The following POLRMT variants were observed in gnomAD, a reference collection of about 807,000 sequenced individuals.
POLRMT encodes the protein DNA-directed RNA polymerase, mitochondrial.
In POLRMT, 114 loss-of-function variants were observed where a neutral mutation model predicts 132.2. That is an observed-to-expected ratio of 0.86 (90% CI 0.74 to 1.01). The LOEUF is 1.01. Among genes scored for constraint, POLRMT ranks in the 50% least tolerant of loss-of-function variants. The pLI, the probability that POLRMT is intolerant of heterozygous loss-of-function variation, is 0.00. For missense variants in POLRMT, 2,003 were observed against 1,729.1 expected, an observed-to-expected ratio of 1.16 and a Z score of -2.81; for synonymous variants, 1,020 against 773.4, an observed-to-expected ratio of 1.32 and a Z score of -5.29.
In POLRMT at chr19:630,187, G is replaced by C; in HGVS notation, c.194-19C>G. The C allele has an allele frequency of 1.3e-6, 2 of 1,553,052 alleles. No individual in the cohort carries two copies. Among genetic ancestry groups the C allele is most frequent in the East Asian group, 2.3e-5 (1 of 44,296 alleles). On this transcript the variant is annotated intron_variant, in intron 2 of 20. Coordinates refer to ENST00000588649, the MANE Select transcript of POLRMT (RefSeq NM_005035.4). ...TGGAGCACTGTGAGGGGCAGAAGGCGAGGACATGAGAGGGACCCCCTCCCC... is the reference window on the plus strand; with the variant it reads ...TGGAGCACTGTGAGGGGCAGAAGGCCAGGACATGAGAGGGACCCCCTCCCC...
At chr19:618,973 G>T in intron 15 of POLRMT, 24 bp downstream of exon 15, 1 of 1,524,970 alleles carries the variant, frequency 6.6e-7, no homozygotes, top group African/African-American at 1.4e-5. Context: ...GGCACACTGG[G>T]GAGGGATGGG....
intron 6 of POLRMT, 70 bp downstream of exon 6, chr19:623,384 G>C: frequency 1.3e-6 from 2 of 1,577,348 alleles, no homozygotes; most frequent in Non-Finnish European, 1.7e-6. Context: ...CCCCGGCTCA[G>C]CCCGTGCGGT....
At position 626,696 on chromosome 19, in the gene POLRMT, C is replaced by CAAAAAAAAA. The variant is rs59746130; in HGVS notation, c.823-1451_823-1443dup. ...GCCTGTGCTCCCTCCACTAAAAATA[C>CAAAAAAAAA]AAAAAAAAAAAAAAATTAGCTGGGC... is the stretch of plus-strand genomic sequence containing the variant. On this transcript the variant is annotated intron_variant, in intron 3 of 20. Transcript: ENST00000588649. 1.8e-3 allele frequency among the ~76,000 whole-genome samples: 188 copies of CAAAAAAAAA among 105,004 alleles called. 8 individuals carry two copies. The highest frequency in any genetic ancestry group is 7.7e-3 in the African/African-American group (177 of 23,120). 68.9% of individuals were successfully genotyped at this position (105,004 alleles called of 152,430 possible). A position where few individuals can be genotyped will look rare whatever the true frequency, so the allele number is the denominator to read the frequency against.
Position 629,522 on chromosome 19 carries a change from G to A in POLRMT, c.822+18C>T, listed in dbSNP as rs768044368. The A allele has an allele frequency of 6.7e-7, 1 of 1,495,098 alleles. No homozygotes were observed. The highest frequency in any genetic ancestry group is 1.4e-5 in the South Asian group (1 of 72,186). 92.6% of individuals were successfully genotyped at this position (1,495,098 alleles called of 1,614,324 possible). On this transcript the variant is annotated intron_variant, in intron 3 of 20. Coordinates refer to ENST00000588649, the MANE Select transcript of POLRMT (RefSeq NM_005035.4). ...TCCAACGACCAGGGCAGGTGGCCCGGCTCCCGGCTGCACTCACCTGCCGCG... is the reference window on the plus strand; with the variant it reads ...TCCAACGACCAGGGCAGGTGGCCCGACTCCCGGCTGCACTCACCTGCCGCG...
chr19:630,133 T>G lies in POLRMT; in HGVS notation c.229A>C (p.Ser77Arg). Residue 77 changes from serine to arginine, a missense_variant, in exon 3 of 21, where the codon AGC becomes CGC. Coordinates refer to ENST00000588649, the MANE Select transcript of POLRMT (RefSeq NM_005035.4). ...QARVRQLQAE[S>R]VSEVVVNRVD... ...CTGTTCACCACCACCTCCGACACGCTCTCAGCCTGCAGCTGCCGCACCCGC... is the reference window on the plus strand; with the variant it reads ...CTGTTCACCACCACCTCCGACACGCGCTCAGCCTGCAGCTGCCGCACCCGC... 4 of 1,606,718 alleles carry G rather than the reference T, an allele frequency of 2.5e-6. No individual in the cohort carries two copies. The highest frequency in any genetic ancestry group is 3.4e-6 in the Non-Finnish European group (4 of 1,175,660).
intron 5 of POLRMT, among the ~76,000 whole-genome samples, chr19:624,069 T>G (rs187896976): frequency 6.6e-6 from 1 of 152,166 alleles, no homozygotes; most frequent in Non-Finnish European, 1.5e-5. Context: ...AGTCGATAAG[T>G]AGAAACAGCC....
intron 13 of POLRMT, 70 bp from the exon 14 acceptor site, chr19:619,366 C>T (rs1226875047): frequency 3.9e-6 from 6 of 1,532,072 alleles, no homozygotes; most frequent in South Asian, 1.1e-5. Context: ...CCCCCTATTT[C>T]AGAGCCACTG....
intron 6 of POLRMT, 116 bp downstream of exon 6, chr19:623,338 C>A: frequency 2.0e-6 from 3 of 1,484,358 alleles, no homozygotes; most frequent in Non-Finnish European, 2.7e-6. Flanking sequence ...GCGGCGGACA[C>A]GCGACCCCGG....
rs766303672 is a variant in POLRMT at position 629,718 on chromosome 19, G to A, written c.644C>T (p.Ser215Leu). ...CTGCTGACCTGAGAGCTGGGCCTGC[G>A]AGTGCTGCCCCGACGGGGCCTGCTC... ...DVEQAPSGQH[S>L]QAQLSGQQQR... Residue 215 changes from serine to leucine, a missense_variant, in exon 3 of 21, where the codon TCG becomes TTG. By Grantham distance (145) the Ser-to-Leu change is moderately radical. Coordinates refer to ENST00000588649, the MANE Select transcript of POLRMT (RefSeq NM_005035.4). The A allele has an allele frequency of 5.6e-6, 9 of 1,593,234 alleles. No homozygotes were observed. The highest frequency in any genetic ancestry group is 2.2e-5 in the East Asian group (1 of 44,620).
chr19:618,564 TCTG>T lies in POLRMT; in HGVS notation c.3343_3345del (p.Gln1115del). Reference sequence around the variant, plus strand: ...ATGAAGTTGGGCGGGAAGCCGTTCTTCTGCTTACGTGTGTTGGGCTTTCTGAGG... The same window carrying T: ...ATGAAGTTGGGCGGGAAGCCGTTCTTCTTACGTGTGTTGGGCTTTCTGAGG... On this transcript the variant is annotated inframe_deletion, in exon 17 of 21. Transcript: ENST00000588649. The T allele has an allele frequency of 6.2e-7, 1 of 1,613,326 alleles. No individual in the cohort carries two copies. Among genetic ancestry groups the T allele is most frequent in the Non-Finnish European group, 8.5e-7 (1 of 1,179,484 alleles).
chr19:623,591 A>C lies in POLRMT; in HGVS notation c.1153T>G (p.Ser385Ala). ...RDVYAKDGRVSYPKLHLPLKT... is the reference protein window; with the variant it reads ...RDVYAKDGRVAYPKLHLPLKT... ...AAGGGCAGGTGCAGCTTCGGGTAGG[A>C]CACACGCCCATCCTGCAGGGATGGG... The change falls in exon 6 of 21, where the codon TCC becomes GCC. Residue 385 changes from serine (S) to alanine (A), a missense_variant. By Grantham distance (99) the Ser-to-Ala change is moderately conservative. Coordinates refer to ENST00000588649, the MANE Select transcript of POLRMT (RefSeq NM_005035.4). The C allele has an allele frequency of 6.2e-7, 1 of 1,613,554 alleles. No individual in the cohort carries two copies. Among genetic ancestry groups the C allele is most frequent in the Non-Finnish European group, 8.5e-7 (1 of 1,179,954 alleles).
chr19:622,406 C>T (rs1161135017), intron 8 of POLRMT, 33 bp from the exon 9 acceptor site: 6 of 1,516,706 alleles, frequency 4.0e-6, no homozygotes, highest in East Asian at 2.5e-5. Flanking sequence ...CGCTGGGCAC[C>T]GGGGCCCCTG....
In POLRMT at chr19:617,234, A is replaced by C; in HGVS notation, c.*40T>G. 6.2e-7 allele frequency: 1 copy of C among 1,609,592 alleles called. No individual in the cohort carries two copies. The highest frequency in any genetic ancestry group is 8.5e-7 in the Non-Finnish European group (1 of 1,177,956). On this transcript the variant is annotated 3_prime_UTR_variant, in exon 21 of 21. Coordinates refer to ENST00000588649, the MANE Select transcript of POLRMT (RefSeq NM_005035.4). The stretch of plus-strand genomic sequence containing the variant: ...GAAGACAGTGGCTCCTGGGGGTGGC[A>C]AAAGAGCTTTATTTACACACTGACA...
chr19:623,049 G>T, intron 6 of POLRMT, 64 bp from the exon 7 acceptor site: 1 of 1,561,622 alleles, frequency 6.4e-7, no homozygotes, highest in Non-Finnish European at 8.7e-7. Flanking sequence ...CTCACAGGAC[G>T]GGGGTCACCG....
intron 17 of POLRMT, chr19:618,135 G>A (rs1199878301): frequency 8.8e-6 from 5 of 566,208 alleles, no homozygotes; most frequent in Admixed American, 6.2e-5. Flanking sequence ...CCTCCTGCCA[G>A]GGCCACCACC....
intron 10 of POLRMT, among the ~76,000 whole-genome samples, 195 bp from the exon 11 acceptor site, chr19:620,682 G>C (rs945261746): frequency 1.3e-5 from 2 of 149,170 alleles, no homozygotes; most frequent in African/African-American, 5.0e-5. Context: ...TGGGAGCTGC[G>C]GGTGGACCGG....
At chr19:620,155 G>C in intron 11 of POLRMT, 75 bp from the exon 12 acceptor site, 1 of 1,517,428 alleles carries the variant, frequency 6.6e-7, no homozygotes, top group South Asian at 1.2e-5. Flanking sequence ...CACCCCCCAG[G>C]TCGAGCCGTT....
chr19:620,816 G>C (rs190444507), intron 10 of POLRMT, among the ~76,000 whole-genome samples: 1,322 of 123,120 alleles, frequency 0.011, 53 homozygotes, highest in African/African-American at 0.039. Flanking sequence ...CGGGGGCCCT[G>C]GGGCAGGGGA....
intron 2 of POLRMT, among the ~76,000 whole-genome samples, chr19:631,747 TTTG>T (rs1182884851): frequency 6.6e-6 from 1 of 152,132 alleles, no homozygotes; most frequent in African/African-American, 2.4e-5. Context: ...TTTGTTTTGT[TTTG>T]TTTTGTTTTT....
Sources: allele counts gnomAD v4.1 joint callset (sites outside exome capture counted in the v4.1 genomes callset), GRCh38; gene constraint gnomAD v4.1.1; transcripts MANE v1.5; gene names NCBI Gene and HGNC (gene_info 2026-07-23, HGNC 2026-07-21).